Variants in PLEKHA6 observed in about 807,000 individuals in gnomAD.
PLEKHA6 encodes pleckstrin homology domain containing A6, also known as pleckstrin homology domain-containing family A member 6.
PLEKHA6 carries 60 observed loss-of-function variants against 116.7 expected under a neutral mutation model. The observed-to-expected ratio is 0.51, with a 90% CI of 0.42 to 0.64. The LOEUF (loss-of-function observed/expected upper bound fraction) is 0.64. Ranked by LOEUF, PLEKHA6 falls within the 30% of genes least tolerant of loss-of-function variation. PLEKHA6 has a pLI of 0.00. For synonymous variants in PLEKHA6, 489 were observed against 556.1 expected, an observed-to-expected ratio of 0.88 and a Z score of 1.70; for missense variants, 1,338 against 1,422.7, an observed-to-expected ratio of 0.94 and a Z score of 0.96.
At position 204,247,394 on chromosome 1, in the gene PLEKHA6, G is replaced by A. The variant is rs142484905; in HGVS notation, c.1891C>T (p.Leu631Phe). 1 of 1,613,070 alleles carries A rather than the reference G, an allele frequency of 6.2e-7. No homozygotes were observed. Residue 631 changes from leucine to phenylalanine, a missense_variant, in exon 13 of 23, where the codon CTC becomes TTC. By Grantham distance (22) the Leu-to-Phe change is conservative. Transcript: ENST00000272203. Reference sequence around the variant, plus strand: ...GTGTCCAAATTGAGCTGCTCCCAGAGGTCATCGTGCAGGGCAGAGACCTCA... The same window carrying A: ...GTGTCCAAATTGAGCTGCTCCCAGAAGTCATCGTGCAGGGCAGAGACCTCA... ...ESEVSALHDD[L>F]WEQLNLDTQN...
chr1:204,339,445 GGGGCAA>G (rs1363830178), intron 1 of PLEKHA6, among the ~76,000 whole-genome samples: 5 of 152,164 alleles, frequency 3.3e-5, no homozygotes, highest in Non-Finnish European at 7.3e-5. Flanking sequence ...TAGGGAAATT[GGGGCAA>G]GGATCATACT....
At position 204,228,305 on chromosome 1, in the gene PLEKHA6, G is replaced by C; in HGVS notation, c.2886-77C>G. On this transcript the variant is annotated intron_variant, in intron 20 of 22. Coordinates refer to ENST00000272203, the MANE Select transcript of PLEKHA6 (RefSeq NM_014935.5). The surrounding 1 kb of genome is among the most constrained non-coding windows in gnomAD (Gnocchi z 4.0). The stretch of plus-strand genomic sequence containing the variant: ...TGGCTTGAGGGGGCCTGCGGACTGA[G>C]GTTGGCAGGGAGGGCCAGGGCCCCG... The C allele has an allele frequency of 7.0e-7, 1 of 1,437,416 alleles. No individual in the cohort carries two copies. Among genetic ancestry groups the C allele is most frequent in the East Asian group, 2.3e-5 (1 of 43,156 alleles). 89.0% of individuals were successfully genotyped at this position (1,437,416 alleles called of 1,614,324 possible). A position where few individuals can be genotyped will look rare whatever the true frequency, so the allele number is the denominator to read the frequency against.
Position 204,259,236 on chromosome 1 carries a change from C to A in PLEKHA6, c.1007+22G>T. On this transcript the variant is annotated intron_variant, in intron 8 of 22. Coordinates refer to ENST00000272203, the MANE Select transcript of PLEKHA6 (RefSeq NM_014935.5). The surrounding 1 kb of genome is among the most constrained non-coding windows in gnomAD (Gnocchi z 4.6). ...AGCCATAATACCATATCAGCCCCAC[C>A]CCAGCCGCCGGCATGCCTCACCTCC... 6.2e-7 allele frequency: 1 copy of A among 1,609,010 alleles called. No homozygotes were observed. The highest frequency in any genetic ancestry group is 8.5e-7 in the Non-Finnish European group (1 of 1,178,106).
rs1670618796 is a variant in PLEKHA6 at position 204,299,593 on chromosome 1, T to C, written c.-94-24784A>G. 7 of 980,540 alleles carry C rather than the reference T, an allele frequency of 7.1e-6. No homozygotes were observed. The South Asian group carries it at 1.4e-4, about 20-fold the overall frequency. The allele number at this position is 980,540 out of a possible 1,614,324, so 60.7% of individuals were successfully genotyped here. The stretch of plus-strand genomic sequence containing the variant: ...ACATTTTCCCAGAGGACAGCCATTA[T>C]TGAGGGGAGAAAACATCTCGCATTC... On this transcript the variant is annotated intron_variant, in intron 1 of 22. Coordinates refer to ENST00000272203, the MANE Select transcript of PLEKHA6 (RefSeq NM_014935.5).
At chr1:204,229,328 C>A (rs1660835018) in intron 18 of PLEKHA6, among the ~76,000 whole-genome samples, 1 of 152,260 alleles carries the variant, frequency 6.6e-6, no homozygotes, top group South Asian at 2.1e-4. Context: ...CTTGTCAGTT[C>A]TTGCTGTTCC....
intron 1 of PLEKHA6, among the ~76,000 whole-genome samples, chr1:204,356,148 A>C (rs1673409749): frequency 6.6e-6 from 1 of 152,272 alleles, no homozygotes; most frequent in Admixed American, 6.5e-5. Flanking sequence ...GTGAAGATTC[A>C]GATATTTATA....
chr1:204,253,728 G>A (rs1239825441), intron 9 of PLEKHA6, among the ~76,000 whole-genome samples: 5 of 151,914 alleles, frequency 3.3e-5, no homozygotes, highest in Non-Finnish European at 7.4e-5. Context: ...TAGCTGCTCA[G>A]GAGGCTGAGG....
rs1237820157 is a variant in PLEKHA6 at position 204,307,026 on chromosome 1, G to A, written c.-94-32217C>T. Among the ~76,000 whole-genome samples, 4 of 152,252 alleles carry A rather than the reference G, an allele frequency of 2.6e-5. No individual in the cohort carries two copies. The East Asian group carries it at 5.8e-4, about 22-fold the overall frequency. On this transcript the variant is annotated intron_variant, in intron 1 of 22. Coordinates refer to ENST00000272203, the MANE Select transcript of PLEKHA6 (RefSeq NM_014935.5). ...CTTTAACTTTTTAATGAGAGACCCC[G>A]AGGAAGATGAACATTTATGCAATAT...
intron 1 of PLEKHA6, chr1:204,326,019 A>G: frequency 2.5e-6 from 1 of 406,922 alleles, no homozygotes; most frequent in Non-Finnish European, 3.3e-6. Flanking sequence ...CCGTCTCCCT[A>G]ATGCATCCAG....
intron 5 of PLEKHA6, among the ~76,000 whole-genome samples, chr1:204,265,454 A>G (rs555004549): frequency 1.3e-5 from 2 of 152,322 alleles, no homozygotes; most frequent in Admixed American, 6.5e-5. Flanking sequence ...CCCTCATTTT[A>G]TAGGTAAGGA....
chr1:204,245,644 G>A lies in PLEKHA6; in HGVS notation c.2003C>T (p.Ser668Phe). ...GTGCTTGGCGGTGTCCGTGCCCCGG[G>A]AGGGGTTGTTCTTCCTCAGCCCCTC... ...VMEGLRKNNP[S>F]RGTDTAKHRG... Residue 668 changes from serine to phenylalanine, a missense_variant, in exon 14 of 23, where the codon TCC becomes TTC. Physicochemically the swap from Ser to Phe is radical, Grantham distance 155. Transcript: ENST00000272203. The A allele has an allele frequency of 6.2e-7, 1 of 1,613,142 alleles. No individual in the cohort carries two copies. Among genetic ancestry groups the A allele is most frequent in the Non-Finnish European group, 8.5e-7 (1 of 1,179,306 alleles).
chr1:204,282,655 C>T, intron 1 of PLEKHA6: 4 of 985,410 alleles, frequency 4.1e-6, no homozygotes, highest in Non-Finnish European at 4.8e-6. Context: ...ACTGAAGTGT[C>T]TTCCAATTGT....
intron 1 of PLEKHA6, among the ~76,000 whole-genome samples, chr1:204,295,751 G>A (rs1670214231): frequency 6.6e-6 from 1 of 152,104 alleles, no homozygotes; most frequent in Admixed American, 6.5e-5. Flanking sequence ...CAGCTGGGGA[G>A]GACCCACAGC....
At chr1:204,241,552 A>T in intron 16 of PLEKHA6, 71 bp from the exon 17 acceptor site, 1 of 1,404,966 alleles carries the variant, frequency 7.1e-7, no homozygotes, top group Non-Finnish European at 9.6e-7. Context: ...TCTCAGAGAC[A>T]ATCTCAGCCC....
intron 1 of PLEKHA6, among the ~76,000 whole-genome samples, chr1:204,308,687 C>CTTTTTTTTTTTTTTTTTTTTT (rs60251937): frequency 3.6e-4 from 29 of 81,408 alleles, no homozygotes; most frequent in Non-Finnish European, 4.9e-4. Flanking sequence ...TTTTCTTTTT[C>CTTTTTTTTTTTTTTTTTTTTT]TTTTTTTTTT....
At chr1:204,366,538 A>T (rs1016754646) in intron 3 of PLEKHA6, among the ~76,000 whole-genome samples, 1 of 152,252 alleles carries the variant, frequency 6.6e-6, no homozygotes, top group African/African-American at 2.4e-5. Context: ...AGGTGGATGG[A>T]TCCCTGGAGG....
At chr1:204,340,980 T>C (rs1269658168) in intron 1 of PLEKHA6, among the ~76,000 whole-genome samples, 3 of 152,200 alleles carry the variant, frequency 2.0e-5, no homozygotes. Flanking sequence ...ATAGGAGGCA[T>C]CCCAACTCTT....
At chr1:204,337,483 A>G (rs7537993) in intron 1 of PLEKHA6, among the ~76,000 whole-genome samples, 149,556 of 152,284 alleles carry the variant, frequency 0.98, 73,443 homozygotes, top group East Asian at 1. Flanking sequence ...GAGACAGAGC[A>G]AGACCAAAAA....
chr1:204,346,645 T>C (rs1477331337), intron 1 of PLEKHA6: 4 of 648,416 alleles, frequency 6.2e-6, no homozygotes, highest in African/African-American at 1.8e-5. Context: ...CACTTCCCAA[T>C]GTGGCCATGG....
Sources: gnomAD v4.1 joint callset for allele counts (sites outside exome capture counted in the v4.1 genomes callset) on GRCh38, gnomAD v4.1.1 for gene constraint, Gnocchi (gnomAD v3.1) non-coding constraint, MANE v1.5 for transcripts, NCBI Gene and HGNC (gene_info 2026-07-23, HGNC 2026-07-21) for gene names.